The following TMCC3 variants were observed in gnomAD, a reference collection of about 807,000 sequenced individuals.
TMCC3 encodes transmembrane and coiled-coil domain protein 3.
TMCC3 carries 28 observed loss-of-function variants against 40.2 expected under a neutral mutation model. That is an observed-to-expected ratio of 0.70 (90% CI 0.52 to 0.95). The LOEUF (loss-of-function observed/expected upper bound fraction) is 0.95. Among genes scored for constraint, TMCC3 ranks in the 40% least tolerant of loss-of-function variants. The pLI is 0.00. For synonymous variants in TMCC3, 255 were observed against 248.5 expected (o/e 1.03, Z -0.25); for missense variants, 554 against 615.2 (o/e 0.90, Z 1.05).
At chr12:94,578,678 A>G in intron 2 of TMCC3, 149 bp from the exon 3 acceptor site, 2 of 872,136 alleles carry the variant, frequency 2.3e-6, no homozygotes, top group Non-Finnish European at 3.4e-6. Flanking sequence ...AGCTGTGGGA[A>G]TTGAGCTTTT....
At position 94,570,624 on chromosome 12, in the gene TMCC3, C is replaced by A. The variant is rs1185531566; in HGVS notation, c.*811G>T. 6.6e-6 allele frequency: 1 copy of A among 152,616 alleles called. No homozygotes were observed. Among genetic ancestry groups the A allele is most frequent in the Admixed American group, 6.5e-5 (1 of 15,274 alleles). The allele number at this position is 152,616 out of a possible 1,614,324, so 9.5% of individuals were successfully genotyped here. A position where few individuals can be genotyped will look rare whatever the true frequency, so the allele number is the denominator to read the frequency against. On this transcript the variant is annotated 3_prime_UTR_variant, in exon 4 of 4. Transcript: ENST00000261226. ...GAAAAAAGATTTGCCAAAACACAAA[C>A]CTTCAGAGTAGTGCTCACAGGATTC...
intron 1 of TMCC3, among the ~76,000 whole-genome samples, chr12:94,626,767 C>T (rs1460207383): frequency 2.0e-5 from 3 of 152,148 alleles, no homozygotes; most frequent in South Asian, 2.1e-4. Flanking sequence ...GACTCAGGGA[C>T]GACCTTGTAT....
chr12:94,598,649 C>A lies in TMCC3; in HGVS notation c.79-16111G>T, dbSNP rs567439364. 8.1e-6 allele frequency: 8 copies of A among 985,400 alleles called. No individual in the cohort carries two copies. In the African/African-American group the frequency reaches 1.2e-4, roughly 15 times the overall value. 61.0% of individuals were successfully genotyped at this position (985,400 alleles called of 1,614,324 possible). A position where few individuals can be genotyped will look rare whatever the true frequency, so the allele number is the denominator to read the frequency against. On this transcript the variant is annotated intron_variant, in intron 1 of 3. Transcript: ENST00000261226. Reference sequence around the variant, plus strand: ...ACATAAACTCCCTCTTTGGCTAAAGCTCCAGCAGGTTCTACAGTCATTAAA... The same window carrying A: ...ACATAAACTCCCTCTTTGGCTAAAGATCCAGCAGGTTCTACAGTCATTAAA...
At chr12:94,618,985 G>A (rs1594290732) in intron 1 of TMCC3, among the ~76,000 whole-genome samples, 1 of 152,176 alleles carries the variant, frequency 6.6e-6, no homozygotes, top group Non-Finnish European at 1.5e-5. Flanking sequence ...CATTGAGGTG[G>A]CAACTTCCCC....
At chr12:94,612,856 C>A (rs1047935636) in intron 1 of TMCC3, among the ~76,000 whole-genome samples, 21 of 152,224 alleles carry the variant, frequency 1.4e-4, no homozygotes, top group African/African-American at 4.8e-4. Flanking sequence ...ACATTAAAAA[C>A]TGTTTGGCAT....
chr12:94,587,734 C>T (rs1484897023), intron 1 of TMCC3, among the ~76,000 whole-genome samples: 1 of 152,146 alleles, frequency 6.6e-6, no homozygotes, highest in African/African-American at 2.4e-5. Flanking sequence ...TATGTAAAAA[C>T]TGAAAGGGAA....
intron 1 of TMCC3, among the ~76,000 whole-genome samples, chr12:94,626,424 C>A (rs1252875702): frequency 6.6e-6 from 1 of 152,188 alleles, no homozygotes; most frequent in Non-Finnish European, 1.5e-5. Context: ...GAGTACATGT[C>A]TTCCCTGATT....
At chr12:94,586,614 T>C (rs4019550) in intron 1 of TMCC3, among the ~76,000 whole-genome samples, 110,243 of 152,180 alleles carry the variant, frequency 0.72, 40,591 homozygotes, top group African/African-American at 0.87. Flanking sequence ...GGTTTTCATA[T>C]TTTACCTTAC....
intron 2 of TMCC3, among the ~76,000 whole-genome samples, chr12:94,580,846 A>T (rs955558948): frequency 6.6e-6 from 1 of 152,230 alleles, no homozygotes; most frequent in African/African-American, 2.4e-5. Context: ...GACAGTTGTT[A>T]TGGAGGGAAA....
chr12:94,587,670 TATC>T (rs1015255256), intron 1 of TMCC3, among the ~76,000 whole-genome samples: 3 of 152,238 alleles, frequency 2.0e-5, no homozygotes, highest in Admixed American at 1.3e-4. Flanking sequence ...TTGTTACTGT[TATC>T]ATTCCAATTT....
intron 3 of TMCC3, among the ~76,000 whole-genome samples, chr12:94,575,864 T>C (rs538936085): frequency 6.6e-6 from 1 of 152,254 alleles, no homozygotes; most frequent in Non-Finnish European, 1.5e-5. Flanking sequence ...AGTGGTGTGA[T>C]CACAGCTCAC....
chr12:94,628,384 C>T (rs535751696), intron 1 of TMCC3, among the ~76,000 whole-genome samples: 1 of 152,324 alleles, frequency 6.6e-6, no homozygotes, highest in South Asian at 2.1e-4. Context: ...GGTGAAGCTC[C>T]ACCTATCCAC....
At position 94,598,809 on chromosome 12, in the gene TMCC3, C is replaced by T. The variant is rs572112684; in HGVS notation, c.79-16271G>A. 1.3e-4 allele frequency: 129 copies of T among 970,290 alleles called. No homozygotes were observed. The Middle Eastern group carries it at 1.6e-3, about 12-fold the overall frequency. The allele number at this position is 970,290 out of a possible 1,614,324, so 60.1% of individuals were successfully genotyped here. A position where few individuals can be genotyped will look rare whatever the true frequency, so the allele number is the denominator to read the frequency against. ...GTTTTGTGATCTGGGATAAAAGAAA[C>T]GACAAAGAAATAAAACAAATGGTGG... On this transcript the variant is annotated intron_variant, in intron 1 of 3. Transcript: ENST00000261226.
chr12:94,595,582 T>C (rs138740820), intron 1 of TMCC3, among the ~76,000 whole-genome samples: 14 of 152,208 alleles, frequency 9.2e-5, no homozygotes, highest in African/African-American at 3.4e-4. Context: ...GTATAACAAA[T>C]ACTGGAGGGA....
chr12:94,646,358 A>T (rs1419635114), intron 1 of TMCC3, among the ~76,000 whole-genome samples: 1 of 151,912 alleles, frequency 6.6e-6, no homozygotes, highest in East Asian at 1.9e-4. Flanking sequence ...AGACAAATAC[A>T]GCTTTTTCAC....
At chr12:94,587,164 G>C (rs999790710) in intron 1 of TMCC3, among the ~76,000 whole-genome samples, 1 of 152,178 alleles carries the variant, frequency 6.6e-6, no homozygotes, top group Admixed American at 6.5e-5. Context: ...ATTGCAGCTT[G>C]GTTTCAGGGT....
intron 1 of TMCC3, among the ~76,000 whole-genome samples, chr12:94,619,382 T>C (rs902097833): frequency 1.3e-5 from 2 of 152,214 alleles, no homozygotes; most frequent in African/African-American, 4.8e-5. Context: ...TCCTTGTAAA[T>C]TCAGGATTCC....
chr12:94,638,491 T>A (rs753514392), intron 1 of TMCC3, among the ~76,000 whole-genome samples: 5 of 152,162 alleles, frequency 3.3e-5, no homozygotes, highest in Non-Finnish European at 7.4e-5. Flanking sequence ...GCATTCAACA[T>A]GTAGGATGGA....
chr12:94,639,093 C>T (rs1409271620), intron 1 of TMCC3, among the ~76,000 whole-genome samples: 1 of 152,190 alleles, frequency 6.6e-6, no homozygotes, highest in African/African-American at 2.4e-5. Context: ...TTCCACTCTT[C>T]GGCCTATCGT....
Sources: allele counts gnomAD v4.1 joint callset (sites outside exome capture counted in the v4.1 genomes callset), GRCh38; gene constraint gnomAD v4.1.1; transcripts MANE v1.5; gene names NCBI Gene and HGNC (gene_info 2026-07-23, HGNC 2026-07-21).